Variants in THSD7B observed in about 807,000 individuals in gnomAD.
THSD7B encodes thrombospondin type-1 domain-containing protein 7B.
A neutral mutation model predicts 213.6 loss-of-function variants in THSD7B; 138 were observed. The observed-to-expected ratio is 0.65, with a 90% confidence interval of 0.56 to 0.74. The LOEUF (loss-of-function observed/expected upper bound fraction) is 0.74, where lower values mean the gene tolerates loss of function less well. Among genes scored for constraint, THSD7B ranks in the 30% least tolerant of loss-of-function variants. The pLI is 0.00. For missense variants in THSD7B, 1,931 were observed against 1,991.5 expected, an observed-to-expected ratio of 0.97 and a Z score of 0.58; for synonymous variants, 742 against 687.0, an observed-to-expected ratio of 1.08 and a Z score of -1.25.
chr2:137,079,222 G>T (rs921293003), intron 3 of THSD7B, among the ~76,000 whole-genome samples: 6 of 151,978 alleles, frequency 3.9e-5, no homozygotes, highest in African/African-American at 1.5e-4. Flanking sequence ...TATTATCGAT[G>T]TGATTTATTA....
intron 1 of THSD7B, among the ~76,000 whole-genome samples, chr2:136,823,583 T>A (rs1456599289): frequency 2.6e-5 from 4 of 152,194 alleles, no homozygotes; most frequent in Admixed American, 6.5e-5. Context: ...TACTTCTTTA[T>A]ATTTAAAACT....
chr2:137,635,854 C>T (rs1682823384), intron 20 of THSD7B, among the ~76,000 whole-genome samples: 1 of 151,980 alleles, frequency 6.6e-6, no homozygotes, highest in Non-Finnish European at 1.5e-5. Context: ...TAGGTATACA[C>T]TACCATATCT....
At chr2:137,358,565 G>A (rs570633330) in intron 12 of THSD7B, among the ~76,000 whole-genome samples, 1 of 152,116 alleles carries the variant, frequency 6.6e-6, no homozygotes, top group Non-Finnish European at 1.5e-5. Context: ...ATGAAGGATA[G>A]CATCAAAGAA....
At chr2:136,791,473 C>G (rs959394007) in intron 1 of THSD7B, among the ~76,000 whole-genome samples, 12 of 151,726 alleles carry the variant, frequency 7.9e-5, no homozygotes, top group Admixed American at 6.6e-4. Context: ...AAATTTTAAG[C>G]TATTTTCATC....
chr2:137,623,233 G>A (rs995345389), intron 20 of THSD7B, among the ~76,000 whole-genome samples: 14 of 152,288 alleles, frequency 9.2e-5, no homozygotes, highest in African/African-American at 2.4e-4. Flanking sequence ...AAAACCACAT[G>A]ATTATCTCAA....
Position 137,575,725 on chromosome 2 carries a change from C to CACATATATATATAT in THSD7B, c.3423+3170_3423+3171insCATATATATATATA, listed in dbSNP as rs59620213. Among the ~76,000 whole-genome samples the CACATATATATATAT allele has an allele frequency of 2.8e-4, 31 of 110,864 alleles. No homozygotes were observed. The East Asian group carries it at 3.2e-3, about 11-fold the overall frequency. 72.7% of individuals were successfully genotyped at this position (110,864 alleles called of 152,430 possible). A position where few individuals can be genotyped will look rare whatever the true frequency, so the allele number is the denominator to read the frequency against. On this transcript the variant is annotated intron_variant, in intron 17 of 27. Transcript: ENST00000409968. ...TGTTTTTTCTTATTCCCATAACACA[C>CACATATATATATAT]ATATATATATATATATATTTTTACT...
intron 5 of THSD7B, among the ~76,000 whole-genome samples, chr2:137,144,199 C>T (rs34905337): frequency 0.051 from 7,700 of 152,132 alleles, 219 homozygotes; most frequent in Admixed American, 0.073. Context: ...GGCTGGATTT[C>T]AGCTCCAACC....
At position 137,608,072 on chromosome 2, in the gene THSD7B, T is replaced by A. The variant is rs1345078523; in HGVS notation, c.3424-8103T>A. On this transcript the variant is annotated intron_variant, in intron 17 of 27. Coordinates refer to ENST00000409968, the MANE Select transcript of THSD7B (RefSeq NM_001316349.2). ...TCCCGTTAATACTAACACATATATC[T>A]GGCACTTCTCCTTCCAATTAACTCT... Among the ~76,000 whole-genome samples the A allele has an allele frequency of 2.6e-5, 4 of 152,320 alleles. No individual in the cohort carries two copies. In the East Asian group the frequency reaches 7.7e-4, roughly 29 times the overall value.
intron 12 of THSD7B, among the ~76,000 whole-genome samples, chr2:137,368,414 G>T (rs374824873): frequency 4.7e-4 from 71 of 150,736 alleles, no homozygotes; most frequent in African/African-American, 1.7e-3. Context: ...AAGTCTTTTG[G>T]TTTCTCCTAG....
chr2:137,600,567 A>G (rs537932604), intron 17 of THSD7B, among the ~76,000 whole-genome samples: 4 of 152,234 alleles, frequency 2.6e-5, no homozygotes, highest in Non-Finnish European at 5.9e-5. Context: ...GCGAAACCCT[A>G]TCTCTGCTAA....
At chr2:137,081,914 T>A (rs550434446) in intron 3 of THSD7B, among the ~76,000 whole-genome samples, 13 of 152,206 alleles carry the variant, frequency 8.5e-5, no homozygotes, top group African/African-American at 2.6e-4. Flanking sequence ...GGGCGGTATC[T>A]TGTTCTGTCT....
intron 9 of THSD7B, among the ~76,000 whole-genome samples, chr2:137,234,104 G>C (rs1171293724): frequency 6.6e-6 from 1 of 152,188 alleles, no homozygotes; most frequent in Non-Finnish European, 1.5e-5. Context: ...GCCACAGACA[G>C]GGTCAAGTCT....
chr2:136,767,943 T>C (rs1681437840), intron 1 of THSD7B, among the ~76,000 whole-genome samples: 1 of 151,568 alleles, frequency 6.6e-6, no homozygotes, highest in Non-Finnish European at 1.5e-5. Flanking sequence ...AGTTGTTGAT[T>C]GTTAGAGAGT....
At chr2:137,626,957 G>C (rs1490793849) in intron 20 of THSD7B, among the ~76,000 whole-genome samples, 3 of 152,154 alleles carry the variant, frequency 2.0e-5, no homozygotes, top group Non-Finnish European at 4.4e-5. Flanking sequence ...ACCTAAGACT[G>C]TGTAATTTAT....
At chr2:137,367,707 G>A (rs1024213740) in intron 12 of THSD7B, among the ~76,000 whole-genome samples, 14 of 152,146 alleles carry the variant, frequency 9.2e-5, no homozygotes, top group African/African-American at 3.4e-4. Flanking sequence ...AGGTCAGTGT[G>A]CCAGCATGGT....
chr2:136,914,598 G>A (rs868509039), intron 2 of THSD7B, among the ~76,000 whole-genome samples: 1 of 152,086 alleles, frequency 6.6e-6, no homozygotes, highest in Non-Finnish European at 1.5e-5. Context: ...TGCTGTTTTC[G>A]TGATAGTGAA....
intron 15 of THSD7B, among the ~76,000 whole-genome samples, chr2:137,479,220 C>A (rs1290689742): frequency 6.6e-6 from 1 of 152,132 alleles, no homozygotes; most frequent in Non-Finnish European, 1.5e-5. Flanking sequence ...AGTCTCCAGG[C>A]CCACAGGTGG....
Position 136,847,036 on chromosome 2 carries a change from T to C in THSD7B, c.-35-35108T>C, listed in dbSNP as rs16836989. Reference sequence around the variant, plus strand: ...TATAATTTTTCTATTTTTTTTCCAATCTAGAAGACTTTTACAGCTGAATTA... The same window carrying C: ...TATAATTTTTCTATTTTTTTTCCAACCTAGAAGACTTTTACAGCTGAATTA... On this transcript the variant is annotated intron_variant, in intron 1 of 27. Coordinates refer to ENST00000409968, the MANE Select transcript of THSD7B (RefSeq NM_001316349.2). 6.3e-3 allele frequency among the ~76,000 whole-genome samples: 954 copies of C among 152,234 alleles called. 8 individuals are homozygous for C. The highest frequency in any genetic ancestry group is 0.022 in the African/African-American group (900 of 41,542).
At chr2:137,619,649 A>G (rs1463924376) in intron 19 of THSD7B, among the ~76,000 whole-genome samples, 1 of 152,220 alleles carries the variant, frequency 6.6e-6, no homozygotes, top group Non-Finnish European at 1.5e-5. Context: ...TGTAATGAGT[A>G]TTTTCTTTTG....
Sources: allele counts gnomAD v4.1 joint callset (sites outside exome capture counted in the v4.1 genomes callset), GRCh38; gene constraint gnomAD v4.1.1; transcripts MANE v1.5; gene names NCBI Gene and HGNC (gene_info 2026-07-23, HGNC 2026-07-21).